Variants in HMGB1 observed in about 807,000 individuals in gnomAD.
The protein encoded by HMGB1 is high mobility group protein B1.
For missense variants in HMGB1, 79 were observed against 253.5 expected, an observed-to-expected ratio of 0.31 and a Z score of 4.67; for synonymous variants, 81 against 84.0, an observed-to-expected ratio of 0.96 and a Z score of 0.19.
chr13:30,488,237 CG>C (rs1887405801), intron 1 of HMGB1, among the ~76,000 whole-genome samples: 4 of 152,146 alleles, frequency 2.6e-5, no homozygotes, highest in Admixed American at 2.6e-4. Flanking sequence ...TAATTATAGC[CG>C]ACCAGTAAAC....
intron 4 of HMGB1, 167 bp from the exon 5 acceptor site, chr13:30,461,700 GA>G (rs778004036): frequency 6.4e-7 from 1 of 1,552,736 alleles, no homozygotes; most frequent in African/African-American, 1.4e-5. Context: ...TTCAATAAAT[GA>G]ACATAAAAAT....
intron 1 of HMGB1, among the ~76,000 whole-genome samples, chr13:30,474,303 A>G (rs1376001015): frequency 1.3e-5 from 2 of 152,162 alleles, no homozygotes; most frequent in African/African-American, 2.4e-5. Context: ...AACTTTGCCT[A>G]TTTCTTTCCT....
At chr13:30,592,433 A>G (rs1370030106) in intron 1 of HMGB1, among the ~76,000 whole-genome samples, 1 of 152,214 alleles carries the variant, frequency 6.6e-6, no homozygotes, top group Admixed American at 6.6e-5. Flanking sequence ...GAACATCTAC[A>G]TACTACAACC....
At chr13:30,575,834 G>GAGCTCA (rs921958948) in intron 1 of HMGB1, among the ~76,000 whole-genome samples, 2 of 152,122 alleles carry the variant, frequency 1.3e-5, no homozygotes, top group African/African-American at 4.8e-5. Flanking sequence ...AAGATCCCTT[G>GAGCTCA]AGCTCACGAG....
intron 1 of HMGB1, among the ~76,000 whole-genome samples, chr13:30,578,725 G>T (rs1870772410): frequency 6.6e-6 from 1 of 152,046 alleles, no homozygotes; most frequent in African/African-American, 2.4e-5. Flanking sequence ...GGTCTTCAAT[G>T]GGCTCCACCT....
At chr13:30,544,501 C>A (rs1176561050) in intron 1 of HMGB1, among the ~76,000 whole-genome samples, 3 of 152,156 alleles carry the variant, frequency 2.0e-5, no homozygotes, top group Non-Finnish European at 4.4e-5. Context: ...TGATGTAGTC[C>A]ATCATGCCTA....
chr13:30,582,440 C>A (rs1250460847), intron 1 of HMGB1, among the ~76,000 whole-genome samples: 1 of 151,806 alleles, frequency 6.6e-6, no homozygotes, highest in East Asian at 1.9e-4. Context: ...AGATTGAGAC[C>A]ATCCTGGCTG....
At chr13:30,486,145 T>C (rs1416472795) in intron 1 of HMGB1, among the ~76,000 whole-genome samples, 1 of 152,262 alleles carries the variant, frequency 6.6e-6, no homozygotes, top group South Asian at 2.1e-4. Flanking sequence ...CCCTAAAAGT[T>C]TGAGGCTGAC....
intron 1 of HMGB1, among the ~76,000 whole-genome samples, chr13:30,558,704 C>T (rs1203122576): frequency 1.3e-5 from 2 of 152,154 alleles, no homozygotes; most frequent in Admixed American, 1.3e-4. Context: ...AAGTGTCCCC[C>T]AGATACTGCA....
At chr13:30,507,766 G>A (rs1424129534) in intron 1 of HMGB1, among the ~76,000 whole-genome samples, 2 of 152,134 alleles carry the variant, frequency 1.3e-5, no homozygotes, top group Non-Finnish European at 1.5e-5. Context: ...GGCTGAAGTG[G>A]GAAGAACATT....
chr13:30,474,959 G>GTTTTTTTTTTTTTTTTTTT (rs776923842), intron 1 of HMGB1, among the ~76,000 whole-genome samples: 2 of 64,032 alleles, frequency 3.1e-5, no homozygotes, highest in Non-Finnish European at 5.2e-5. Context: ...TTCTTTTTTT[G>GTTTTTTTTTTTTTTTTTTT]TTTTTTTTTT....
chr13:30,495,631 G>A (rs963408240), intron 1 of HMGB1, among the ~76,000 whole-genome samples: 4 of 151,908 alleles, frequency 2.6e-5, no homozygotes, highest in East Asian at 1.9e-4. Flanking sequence ...GGCGCGTGCC[G>A]CCACGCCTGG....
chr13:30,476,473 G>A (rs554228248), intron 1 of HMGB1, among the ~76,000 whole-genome samples: 3 of 152,284 alleles, frequency 2.0e-5, no homozygotes, highest in African/African-American at 7.2e-5. Flanking sequence ...GAGAGTGGCT[G>A]TGCTGCCAAG....
At chr13:30,532,670 A>G (rs1888522697) in intron 1 of HMGB1, among the ~76,000 whole-genome samples, 1 of 151,978 alleles carries the variant, frequency 6.6e-6, no homozygotes, top group Non-Finnish European at 1.5e-5. Context: ...CATCATGCCC[A>G]GCTAATTTTT....
chr13:30,532,031 A>G (rs1360499962), intron 1 of HMGB1, among the ~76,000 whole-genome samples: 1 of 151,946 alleles, frequency 6.6e-6, no homozygotes, highest in African/African-American at 2.4e-5. Context: ...ATGCATGTCC[A>G]TAATCTATGT....
intron 1 of HMGB1, among the ~76,000 whole-genome samples, chr13:30,563,006 T>C (rs541650141): frequency 2.3e-4 from 35 of 152,312 alleles, no homozygotes; most frequent in African/African-American, 8.4e-4. Flanking sequence ...ATGTTCTACA[T>C]GGTTTGGGGG....
At chr13:30,573,762 C>T (rs1870531891) in intron 1 of HMGB1, among the ~76,000 whole-genome samples, 1 of 152,084 alleles carries the variant, frequency 6.6e-6, no homozygotes, top group South Asian at 2.1e-4. Flanking sequence ...GTGATCCTCC[C>T]ACCTCGGCCT....
intron 1 of HMGB1, among the ~76,000 whole-genome samples, chr13:30,613,095 T>C (rs140377288): frequency 2.8e-4 from 42 of 152,280 alleles, no homozygotes; most frequent in African/African-American, 1.0e-3. Flanking sequence ...GCTGTTTTGT[T>C]TTTCTGACAG....
intron 2 of HMGB1, 69 bp downstream of exon 2, chr13:30,463,462 C>T: frequency 2.6e-6 from 4 of 1,543,856 alleles, no homozygotes; most frequent in South Asian, 1.2e-5. Flanking sequence ...GCCAACTAGG[C>T]TTTTTTTTGC....
Sources: allele counts gnomAD v4.1 joint callset (sites outside exome capture counted in the v4.1 genomes callset), GRCh38; gene constraint gnomAD v4.1.1; transcripts MANE v1.5; gene names NCBI Gene and HGNC (gene_info 2026-07-23, HGNC 2026-07-21).